The following FSTL4 variants were observed in gnomAD, a reference collection of about 807,000 sequenced individuals.
FSTL4 encodes follistatin-related protein 4.
In FSTL4, 28 loss-of-function variants were observed where a neutral mutation model predicts 78.2. The ratio of observed to expected loss-of-function variants is 0.36; its 90% CI spans 0.27 to 0.49. FSTL4 has a LOEUF of 0.49. FSTL4 is among the 20% of genes least tolerant of loss of function. FSTL4 has a pLI of 0.98. For missense variants in FSTL4, 922 were observed against 1,084.9 expected, an observed-to-expected ratio of 0.85 and a Z score of 2.11; for synonymous variants, 422 against 440.5, an observed-to-expected ratio of 0.96 and a Z score of 0.53.
intron 3 of FSTL4, among the ~76,000 whole-genome samples, chr5:133,546,195 T>A (rs779862583): frequency 1.3e-5 from 2 of 152,164 alleles, no homozygotes; most frequent in African/African-American, 2.4e-5. Flanking sequence ...TGGAAAATTC[T>A]CAGGCTGGCC....
chr5:133,408,083 C>T (rs1466349792), intron 3 of FSTL4, among the ~76,000 whole-genome samples: 1 of 152,142 alleles, frequency 6.6e-6, no homozygotes, highest in Non-Finnish European at 1.5e-5. Context: ...TTACTGGGAA[C>T]AAATGTGCAA....
the FSTL4 span, among the ~76,000 whole-genome samples, chr5:133,825,761 C>T: frequency 0.14 from 20,547 of 152,190 alleles, 1,578 homozygotes; most frequent in African/African-American, 0.19. Flanking sequence ...CAGGTTGGTC[C>T]GGCCCTGTCT....
chr5:133,332,675 T>C (rs1180599633), intron 4 of FSTL4, among the ~76,000 whole-genome samples: 1 of 152,182 alleles, frequency 6.6e-6, no homozygotes, highest in Non-Finnish European at 1.5e-5. Context: ...GTTAAAATAT[T>C]CATAAAGAAC....
chr5:133,638,556 T>C, the FSTL4 span, among the ~76,000 whole-genome samples: 1 of 152,124 alleles, frequency 6.6e-6, no homozygotes, highest in Non-Finnish European at 1.5e-5. Flanking sequence ...AGGTACCCAG[T>C]GGGCTCACTC....
intron 3 of FSTL4, among the ~76,000 whole-genome samples, chr5:133,507,604 C>T (rs1235695785): frequency 6.6e-6 from 1 of 151,060 alleles, no homozygotes; most frequent in Non-Finnish European, 1.5e-5. Flanking sequence ...CTCACTGCAA[C>T]CTCCACCTCC....
intron 3 of FSTL4, among the ~76,000 whole-genome samples, chr5:133,485,409 T>C (rs1758113127): frequency 6.6e-6 from 1 of 152,298 alleles, no homozygotes; most frequent in South Asian, 2.1e-4. Flanking sequence ...TTCAGGCTAA[T>C]TGGGAGGACA....
At chr5:133,221,579 A>G (rs1751106387) in intron 11 of FSTL4, among the ~76,000 whole-genome samples, 1 of 152,068 alleles carries the variant, frequency 6.6e-6, no homozygotes, top group Admixed American at 6.5e-5. Flanking sequence ...CCTTATTTTA[A>G]AGACAAACTG....
intron 12 of FSTL4, among the ~76,000 whole-genome samples, chr5:133,217,911 A>G (rs57806692): frequency 0.044 from 6,627 of 152,136 alleles, 459 homozygotes; most frequent in African/African-American, 0.15. Flanking sequence ...TGATCTCTAT[A>G]TGCTAGGGTG....
the FSTL4 span, among the ~76,000 whole-genome samples, chr5:133,718,622 GA>G: frequency 6.6e-6 from 1 of 152,184 alleles, no homozygotes; most frequent in African/African-American, 2.4e-5. Context: ...CTGACAGGGA[GA>G]AGAGGGAAAA....
rs1757135697 is a variant in FSTL4 at position 133,440,592 on chromosome 5, T to C, written c.161-39606A>G. ...GGATGGATGTGCCAAGGAGGGCTAATAGTTTTCCATGGAGCTGGGTCACCT... is the reference window on the plus strand; with the variant it reads ...GGATGGATGTGCCAAGGAGGGCTAACAGTTTTCCATGGAGCTGGGTCACCT... On this transcript the variant is annotated intron_variant, in intron 3 of 15. Transcript: ENST00000265342. This position sits in a 1 kb window ranked among gnomAD's most constrained non-coding sequence, Gnocchi z 4.1. 6.6e-6 allele frequency among the ~76,000 whole-genome samples: 1 copy of C among 152,168 alleles called. No individual in the cohort carries two copies. The highest frequency in any genetic ancestry group is 2.1e-4 in the South Asian group (1 of 4,832).
the FSTL4 span, among the ~76,000 whole-genome samples, chr5:133,784,109 A>T: frequency 6.6e-6 from 1 of 152,132 alleles, no homozygotes; most frequent in African/African-American, 2.4e-5. Context: ...ACGTACAGGG[A>T]ATTTAGCCCA....
At chr5:133,437,031 T>G (rs1228103591) in intron 3 of FSTL4, among the ~76,000 whole-genome samples, 1 of 152,148 alleles carries the variant, frequency 6.6e-6, no homozygotes, top group Non-Finnish European at 1.5e-5. Context: ...GAGAAAGAGG[T>G]GACAAAGATG....
chr5:133,764,106 G>A, the FSTL4 span, among the ~76,000 whole-genome samples: 3 of 152,222 alleles, frequency 2.0e-5, no homozygotes, highest in African/African-American at 4.8e-5. Context: ...CTTTCCTCTT[G>A]CAGTCTTTAC....
At chr5:133,272,918 A>G (rs1465743256) in intron 6 of FSTL4, among the ~76,000 whole-genome samples, 1 of 152,250 alleles carries the variant, frequency 6.6e-6, no homozygotes, top group African/African-American at 2.4e-5. Flanking sequence ...TGACTTTCTG[A>G]TGCTGATAAT....
chr5:133,532,127 G>A (rs575781814), intron 3 of FSTL4, among the ~76,000 whole-genome samples: 94 of 152,158 alleles, frequency 6.2e-4, no homozygotes, highest in Non-Finnish European at 1.1e-3. Context: ...GGTCACAGTC[G>A]GAGAAGGAGA....
At chr5:133,817,406 GA>G in the FSTL4 span, among the ~76,000 whole-genome samples, 4 of 151,942 alleles carry the variant, frequency 2.6e-5, no homozygotes, top group Non-Finnish European at 4.4e-5. Context: ...TTCACATAGT[GA>G]ATTGCTTACC....
At chr5:133,347,232 T>A (rs1430458724) in intron 4 of FSTL4, among the ~76,000 whole-genome samples, 4 of 150,226 alleles carry the variant, frequency 2.7e-5, no homozygotes, top group Non-Finnish European at 5.9e-5. Flanking sequence ...TCTCTTCCCC[T>A]GGGAGGGCTG....
chr5:133,336,864 C>T (rs970496701), intron 4 of FSTL4, among the ~76,000 whole-genome samples: 2 of 152,162 alleles, frequency 1.3e-5, no homozygotes, highest in Non-Finnish European at 2.9e-5. Context: ...GGAGAGTGAG[C>T]ACCATTTCCA....
the FSTL4 span, among the ~76,000 whole-genome samples, chr5:133,634,071 C>A: frequency 1.3e-5 from 2 of 152,052 alleles, no homozygotes; most frequent in African/African-American, 4.8e-5. Flanking sequence ...CCTGACTCTC[C>A]ACTAGGCCTC....
Sources: gnomAD v4.1 joint callset for allele counts (sites outside exome capture counted in the v4.1 genomes callset) on GRCh38, gnomAD v4.1.1 for gene constraint, Gnocchi (gnomAD v3.1) non-coding constraint, MANE v1.5 for transcripts, NCBI Gene and HGNC (gene_info 2026-07-23, HGNC 2026-07-21) for gene names.